The following SH3BP4 variants were observed in gnomAD, a reference collection of about 807,000 sequenced individuals.
SH3BP4 encodes SH3 domain-binding protein 4.
In SH3BP4, 33 loss-of-function variants were observed where a neutral mutation model predicts 65.5. The observed-to-expected ratio is 0.50, with a 90% CI of 0.38 to 0.67. The LOEUF (loss-of-function observed/expected upper bound fraction) is 0.67. SH3BP4 is among the 30% of genes least tolerant of loss of function. The pLI is 0.00. For synonymous variants in SH3BP4, 552 were observed against 545.5 expected, an observed-to-expected ratio of 1.01 and a Z score of -0.17; for missense variants, 1,134 against 1,261.4, an observed-to-expected ratio of 0.90 and a Z score of 1.53.
At chr2:234,970,411 T>G (rs956963741) in intron 1 of SH3BP4, among the ~76,000 whole-genome samples, 2 of 152,164 alleles carry the variant, frequency 1.3e-5, no homozygotes, top group African/African-American at 4.8e-5. Context: ...TTTTTAATTT[T>G]AAAAGCATCC....
At position 235,030,375 on chromosome 2, in the gene SH3BP4, C is replaced by T. The variant is rs1401615333; in HGVS notation, c.-132-4496C>T. On this transcript the variant is annotated intron_variant, in intron 2 of 5. Transcript: ENST00000392011. The surrounding 1 kb of genome is among the most constrained non-coding windows in gnomAD (Gnocchi z 4.1). ...TGGGCAAGTTGCTTTAGTGATCTCT[C>T]CAAGCCCGTTTTCATGGAATCTGTA... 6.6e-6 allele frequency among the ~76,000 whole-genome samples: 1 copy of T among 152,130 alleles called. No homozygotes were observed. The highest frequency in any genetic ancestry group is 1.5e-5 in the Non-Finnish European group (1 of 68,036).
chr2:234,966,970 T>C (rs1306021329), intron 1 of SH3BP4, among the ~76,000 whole-genome samples: 2 of 152,230 alleles, frequency 1.3e-5, no homozygotes, highest in Non-Finnish European at 2.9e-5. Flanking sequence ...TCTTGTTTGG[T>C]GTTCATGCAT....
At chr2:235,021,016 G>T (rs1430662447) in intron 2 of SH3BP4, among the ~76,000 whole-genome samples, 1 of 152,116 alleles carries the variant, frequency 6.6e-6, no homozygotes, top group Non-Finnish European at 1.5e-5. Flanking sequence ...TCATTTATTT[G>T]TATCATCTAC....
rs1158922571 is a variant in SH3BP4 at position 235,034,552 on chromosome 2, A to C, written c.-132-319A>C. Among the ~76,000 whole-genome samples the C allele has an allele frequency of 6.6e-6, 1 of 152,126 alleles. No homozygotes were observed. Among genetic ancestry groups the C allele is most frequent in the Non-Finnish European group, 1.5e-5 (1 of 68,026 alleles). Reference sequence around the variant, plus strand: ...CAGTCCTGCGCTGTCCTCCTCTTTGACTGTAATGAATGGACTGGCCAGGTG... The same window carrying C: ...CAGTCCTGCGCTGTCCTCCTCTTTGCCTGTAATGAATGGACTGGCCAGGTG... On this transcript the variant is annotated intron_variant, in intron 2 of 5. Coordinates refer to ENST00000392011, the MANE Select transcript of SH3BP4 (RefSeq NM_014521.3). This position sits in a 1 kb window ranked among gnomAD's most constrained non-coding sequence, Gnocchi z 6.2.
intron 1 of SH3BP4, among the ~76,000 whole-genome samples, chr2:234,992,566 G>A (rs1048757321): frequency 2.0e-5 from 3 of 152,026 alleles, no homozygotes; most frequent in South Asian, 2.1e-4. Context: ...TTCCTGCTGC[G>A]TGTCTCTGGG....
chr2:235,047,007 G>A (rs189933608), intron 4 of SH3BP4, among the ~76,000 whole-genome samples: 4 of 152,152 alleles, frequency 2.6e-5, no homozygotes, highest in South Asian at 4.1e-4. Flanking sequence ...GCCTCTGTCC[G>A]TGATGGTGTC....
chr2:235,038,012 C>T (rs1695442161), intron 3 of SH3BP4, among the ~76,000 whole-genome samples: 1 of 151,308 alleles, frequency 6.6e-6, no homozygotes, highest in African/African-American at 2.4e-5. Context: ...TACGCATGCA[C>T]GATGATCATT....
At chr2:235,012,356 T>C (rs1574819246) in intron 2 of SH3BP4, among the ~76,000 whole-genome samples, 1 of 152,170 alleles carries the variant, frequency 6.6e-6, no homozygotes, top group Non-Finnish European at 1.5e-5. Context: ...CTTACACAGG[T>C]TGAGAAGGGT....
chr2:235,022,906 G>T (rs1267083208), intron 2 of SH3BP4, among the ~76,000 whole-genome samples: 2 of 152,210 alleles, frequency 1.3e-5, no homozygotes, highest in Admixed American at 1.3e-4. Flanking sequence ...CAGAGTTGCA[G>T]TTGGGGCCTG....
chr2:234,960,079 G>T (rs1692672029), intron 1 of SH3BP4, among the ~76,000 whole-genome samples: 1 of 152,230 alleles, frequency 6.6e-6, no homozygotes, highest in Non-Finnish European at 1.5e-5. Flanking sequence ...TCAAATATTT[G>T]TATGTGTCCT....
chr2:234,971,506 C>T (rs1338611262), intron 1 of SH3BP4, among the ~76,000 whole-genome samples: 1 of 152,166 alleles, frequency 6.6e-6, no homozygotes, highest in Non-Finnish European at 1.5e-5. Context: ...GGTATATTCC[C>T]AGAGGTGGAA....
rs145898708 is a variant in SH3BP4 at position 235,045,133 on chromosome 2, C to T, written c.2478+1886C>T. Among the ~76,000 whole-genome samples, 33 of 152,324 alleles carry T rather than the reference C, an allele frequency of 2.2e-4. No individual in the cohort carries two copies. In the South Asian group the frequency reaches 3.5e-3, roughly 16 times the overall value. ...GCCGGGCCGTGGCCTGGTCTCCTCA[C>T]GGGTGCACCCAGCACAGTGGCAGAC... On this transcript the variant is annotated intron_variant, in intron 4 of 5. Transcript: ENST00000392011. The surrounding 1 kb of genome is among the most constrained non-coding windows in gnomAD (Gnocchi z 4.3).
rs776846769 is a variant in SH3BP4, at chr2:235,041,808, G to A, written c.1039G>A (p.Ala347Thr). 8.2e-6 allele frequency: 13 copies of A among 1,593,354 alleles called. No individual in the cohort carries two copies. Among genetic ancestry groups the A allele is most frequent in the South Asian group, 4.5e-5 (4 of 88,916 alleles). The part of the protein sequence containing the change: ...ISIHVPEGHV[A>T]PGETQQISMK... ...CATCCACGTGCCCGAGGGCCACGTC[G>A]CCCCTGGGGAGACCCAGCAGATCTC... The change falls in exon 4 of 6, where the codon GCC (alanine) becomes ACC (threonine). Residue 347 changes from alanine to threonine, a missense_variant. Ala to Thr is a moderately conservative substitution (Grantham distance 58). Coordinates refer to ENST00000392011, the MANE Select transcript of SH3BP4 (RefSeq NM_014521.3). This position sits in a 1 kb window ranked among gnomAD's most constrained non-coding sequence, Gnocchi z 6.0.
At chr2:234,971,129 A>G (rs13403347) in intron 1 of SH3BP4, among the ~76,000 whole-genome samples, 1 of 152,106 alleles carries the variant, frequency 6.6e-6, no homozygotes, top group Non-Finnish European at 1.5e-5. Flanking sequence ...CACCTTTTTC[A>G]TCTTGCAGAA....
chr2:235,033,694 G>T lies in SH3BP4; in HGVS notation c.-132-1177G>T, dbSNP rs907060018. ...ATAGCAGCATGTGGACACACGCCTTGCTCTGCTCACTGCACAGGGGCTCTC... is the reference window on the plus strand; with the variant it reads ...ATAGCAGCATGTGGACACACGCCTTTCTCTGCTCACTGCACAGGGGCTCTC... On this transcript the variant is annotated intron_variant, in intron 2 of 5. Coordinates refer to ENST00000392011, the MANE Select transcript of SH3BP4 (RefSeq NM_014521.3). The surrounding 1 kb of genome is among the most constrained non-coding windows in gnomAD (Gnocchi z 5.7). 6.6e-6 allele frequency among the ~76,000 whole-genome samples: 1 copy of T among 152,232 alleles called. No homozygotes were observed. The highest frequency in any genetic ancestry group is 2.4e-5 in the African/African-American group (1 of 41,458).
rs146274229 is a variant in SH3BP4 at position 235,016,468 on chromosome 2, G to A, written c.-132-18403G>A. On this transcript the variant is annotated intron_variant, in intron 2 of 5. Transcript: ENST00000392011. ...CTAAGCTGGGCCTGGGGAGTTGACC[G>A]CCCTCAGCACCACCGCCCATTCACT... 5.3e-5 allele frequency among the ~76,000 whole-genome samples: 8 copies of A among 152,086 alleles called. No homozygotes were observed. In the South Asian group the frequency reaches 8.3e-4, roughly 16 times the overall value.
chr2:235,048,010 C>T (rs1056914972), intron 4 of SH3BP4, among the ~76,000 whole-genome samples: 8 of 152,166 alleles, frequency 5.3e-5, no homozygotes, highest in Non-Finnish European at 8.8e-5. Context: ...GTGCATGGGG[C>T]GCATTGGGGC....
At position 235,042,310 on chromosome 2, in the gene SH3BP4, C is replaced by A; in HGVS notation, c.1541C>A (p.Pro514His). The change falls in exon 4 of 6, where the codon CCC (proline) becomes CAC (histidine). Residue 514 changes from proline (P) to histidine (H), a missense_variant. Pro to His is a moderately conservative substitution (Grantham distance 77, BLOSUM62 -2). Transcript: ENST00000392011. The surrounding 1 kb of genome is among the most constrained non-coding windows in gnomAD (Gnocchi z 7.3). ...GTCAGCGAGGTCACACGCCAGGCAC[C>A]CAACCCTGCCCCGGTGGCCCTGCAG... ...LLVSEVTRQA[P>H]NPAPVALQLW... 6.2e-7 allele frequency: 1 copy of A among 1,614,102 alleles called. No individual in the cohort carries two copies. The highest frequency in any genetic ancestry group is 8.5e-7 in the Non-Finnish European group (1 of 1,180,020).
chr2:234,989,265 G>T (rs962041764), intron 1 of SH3BP4, among the ~76,000 whole-genome samples: 1 of 152,232 alleles, frequency 6.6e-6, no homozygotes, highest in African/African-American at 2.4e-5. Flanking sequence ...TCACTGTGCT[G>T]CCAGAGCGGG....
Sources: gnomAD v4.1 joint callset for allele counts (sites outside exome capture counted in the v4.1 genomes callset) on GRCh38, gnomAD v4.1.1 for gene constraint, Gnocchi (gnomAD v3.1) non-coding constraint, MANE v1.5 for transcripts, NCBI Gene and HGNC (gene_info 2026-07-23, HGNC 2026-07-21) for gene names.